The following DOCK1 variants were observed in gnomAD, a reference collection of about 807,000 sequenced individuals.
The protein encoded by DOCK1 is dedicator of cytokinesis protein 1.
A neutral mutation model predicts 262.7 loss-of-function variants in DOCK1; 138 were observed. The ratio of observed to expected loss-of-function variants is 0.53; its 90% confidence interval spans 0.46 to 0.61. The LOEUF is 0.61. DOCK1 is among the 20% of genes least tolerant of loss of function. DOCK1 has a pLI of 0.00. For synonymous variants in DOCK1, 866 were observed against 867.4 expected, an observed-to-expected ratio of 1.00 and a Z score of 0.03; for missense variants, 1,908 against 2,370.7, an observed-to-expected ratio of 0.80 and a Z score of 4.05.
At position 127,321,289 on chromosome 10, in the gene DOCK1, C is replaced by T. The variant is rs369675427; in HGVS notation, c.3045-17717C>T. Among the ~76,000 whole-genome samples the T allele has an allele frequency of 3.5e-4, 49 of 139,112 alleles. 1 individual carries two copies. The highest frequency in any genetic ancestry group is 1.2e-3 in the African/African-American group (43 of 37,250). The allele number at this position is 139,112 out of a possible 152,430, so 91.3% of individuals were successfully genotyped here. On this transcript the variant is annotated intron_variant, in intron 29 of 51. Coordinates refer to ENST00000623213, the MANE Select transcript of DOCK1 (RefSeq NM_001290223.2). Reference sequence around the variant, plus strand: ...CCTCCCCTCGGCCCTATCCTCCCCTCCCCTCTCCTCTCTTCCCTCCCTTCC... The same window carrying T: ...CCTCCCCTCGGCCCTATCCTCCCCTTCCCTCTCCTCTCTTCCCTCCCTTCC...
chr10:127,216,497 C>T (rs748824918), intron 27 of DOCK1, among the ~76,000 whole-genome samples: 2 of 152,068 alleles, frequency 1.3e-5, no homozygotes, highest in Admixed American at 6.5e-5. Context: ...TGGAAGTCTC[C>T]GCCCCAAGAG....
chr10:127,396,959 C>A lies in DOCK1; in HGVS notation c.3928-6096C>A, dbSNP rs184745057. Among the ~76,000 whole-genome samples the A allele has an allele frequency of 1.9e-4, 22 of 113,176 alleles. 1 individual carries two copies. Among genetic ancestry groups the A allele is most frequent in the South Asian group, 8.9e-4 (3 of 3,352 alleles). 74.2% of individuals were successfully genotyped at this position (113,176 alleles called of 152,430 possible). A position where few individuals can be genotyped will look rare whatever the true frequency, so the allele number is the denominator to read the frequency against. The stretch of plus-strand genomic sequence containing the variant: ...CTATGTGATCTGAGCATGAGTTACA[C>A]GGGCAGCGTCTCCTGTGATCTGAGC... On this transcript the variant is annotated intron_variant, in intron 38 of 51. Transcript: ENST00000623213.
At chr10:127,244,260 G>A (rs1045061339) in intron 27 of DOCK1, among the ~76,000 whole-genome samples, 1 of 152,038 alleles carries the variant, frequency 6.6e-6, no homozygotes, top group African/African-American at 2.4e-5. Context: ...ATGGAACTGG[G>A]CATCCTGTAC....
intron 29 of DOCK1, among the ~76,000 whole-genome samples, chr10:127,309,308 G>T (rs991669488): frequency 2.6e-5 from 4 of 151,610 alleles, no homozygotes; most frequent in African/African-American, 9.7e-5. Flanking sequence ...TTGTAAATTT[G>T]CTTAACTTCC....
At chr10:127,377,938 G>T (rs1433088272) in intron 35 of DOCK1, among the ~76,000 whole-genome samples, 1 of 150,930 alleles carries the variant, frequency 6.6e-6, no homozygotes, top group African/African-American at 2.4e-5. Context: ...AGTAAGAGAC[G>T]CAGCAGTCAC....
intron 27 of DOCK1, among the ~76,000 whole-genome samples, chr10:127,228,419 C>T (rs1590033789): frequency 1.3e-5 from 2 of 152,138 alleles, no homozygotes; most frequent in Admixed American, 6.5e-5. Flanking sequence ...GAGCACTGAG[C>T]GGACTGTTCT....
At chr10:127,394,864 G>T (rs560371743) in intron 38 of DOCK1, among the ~76,000 whole-genome samples, 1 of 152,258 alleles carries the variant, frequency 6.6e-6, no homozygotes, top group South Asian at 2.1e-4. Flanking sequence ...GCTCTCATAT[G>T]AGCAGATAAA....
chr10:127,395,924 G>T lies in DOCK1; in HGVS notation c.3928-7131G>T, dbSNP rs1318534881. On this transcript the variant is annotated intron_variant, in intron 38 of 51. Coordinates refer to ENST00000623213, the MANE Select transcript of DOCK1 (RefSeq NM_001290223.2). ...AAGGGAATGCTTCACTTGCTGCAGAGAGCAGATGGAGGTCCTTTCATCCTT... is the reference window on the plus strand; with the variant it reads ...AAGGGAATGCTTCACTTGCTGCAGATAGCAGATGGAGGTCCTTTCATCCTT... Among the ~76,000 whole-genome samples the T allele has an allele frequency of 2.0e-5, 3 of 152,232 alleles. No homozygotes were observed. The East Asian group carries it at 5.8e-4, about 29-fold the overall frequency.
chr10:127,006,627 C>T (rs1041996797), intron 10 of DOCK1, among the ~76,000 whole-genome samples: 1 of 152,198 alleles, frequency 6.6e-6, no homozygotes. Flanking sequence ...TGACTGGTGA[C>T]GTCAAGGCCT....
chr10:127,029,090 G>A (rs983864409), intron 16 of DOCK1, among the ~76,000 whole-genome samples: 4 of 152,196 alleles, frequency 2.6e-5, no homozygotes, highest in Admixed American at 6.5e-5. Flanking sequence ...TGTTTTTCTT[G>A]TCAGTTTTAA....
intron 5 of DOCK1, among the ~76,000 whole-genome samples, chr10:126,987,864 G>C (rs955314024): frequency 3.3e-5 from 5 of 152,146 alleles, no homozygotes; most frequent in African/African-American, 1.2e-4. Flanking sequence ...AGGGACTGTA[G>C]GATGTGTCTT....
intron 43 of DOCK1, among the ~76,000 whole-genome samples, chr10:127,413,278 C>T (rs1297173540): frequency 6.6e-6 from 1 of 152,216 alleles, no homozygotes; most frequent in Non-Finnish European, 1.5e-5. Flanking sequence ...ACATTTTGAG[C>T]TATGCTGAGC....
At chr10:126,997,814 CAT>C (rs1328408167) in intron 7 of DOCK1, 1 of 396,976 alleles carries the variant, frequency 2.5e-6, no homozygotes, top group African/African-American at 2.0e-5. Context: ...AATAACTACA[CAT>C]ATATAATCAT....
chr10:127,426,443 T>C (rs1242807428), intron 47 of DOCK1, among the ~76,000 whole-genome samples: 1 of 152,082 alleles, frequency 6.6e-6, no homozygotes, highest in Non-Finnish European at 1.5e-5. Context: ...CAGCCCAAGG[T>C]TGACATCAGA....
chr10:127,303,854 G>A (rs2061778864), intron 29 of DOCK1, among the ~76,000 whole-genome samples: 1 of 152,150 alleles, frequency 6.6e-6, no homozygotes, highest in African/African-American at 2.4e-5. Flanking sequence ...GTGAGATCCT[G>A]TCTCAGAAAG....
At chr10:127,250,313 T>C (rs1006810576) in intron 28 of DOCK1, among the ~76,000 whole-genome samples, 1 of 152,236 alleles carries the variant, frequency 6.6e-6, no homozygotes, top group African/African-American at 2.4e-5. Flanking sequence ...AAAGCGATGA[T>C]GCCGAATGGC....
chr10:127,133,705 A>G (rs759227680), intron 27 of DOCK1, among the ~76,000 whole-genome samples: 23 of 152,212 alleles, frequency 1.5e-4, no homozygotes, highest in Admixed American at 2.6e-4. Context: ...CAGCAAAGAT[A>G]TTTGCAAAAC....
intron 29 of DOCK1, 95 bp from the exon 30 acceptor site, chr10:127,338,911 C>A: frequency 9.2e-7 from 1 of 1,090,582 alleles, no homozygotes; most frequent in South Asian, 1.4e-5. Context: ...GTTCACATTC[C>A]AGACAGTCTG....
Position 126,981,991 on chromosome 10 carries a change from G to C in DOCK1, c.227+18G>C, listed in dbSNP as rs1159201595. ...GGAAAAGGGTGAGTCTGGTCTTGAT[G>C]TTTAAATGAAGAATTGCAAGTACTA... On this transcript the variant is annotated intron_variant, in intron 4 of 51. Coordinates refer to ENST00000623213, the MANE Select transcript of DOCK1 (RefSeq NM_001290223.2). 6.2e-7 allele frequency: 1 copy of C among 1,611,460 alleles called. No homozygotes were observed. The highest frequency in any genetic ancestry group is 8.5e-7 in the Non-Finnish European group (1 of 1,178,980).
Sources: gnomAD v4.1 joint callset for allele counts (sites outside exome capture counted in the v4.1 genomes callset) on GRCh38, gnomAD v4.1.1 for gene constraint, MANE v1.5 for transcripts, NCBI Gene and HGNC (gene_info 2026-07-23, HGNC 2026-07-21) for gene names.